Variants in NLRP13 observed in about 807,000 individuals in gnomAD.
NLRP13 encodes NACHT, LRR and PYD domains-containing protein 13.
NLRP13 carries 82 observed loss-of-function variants against 94.4 expected under a neutral mutation model. The ratio of observed to expected loss-of-function variants is 0.87; its 90% CI spans 0.73 to 1.04. The LOEUF (loss-of-function observed/expected upper bound fraction) is 1.04. Among genes scored for constraint, NLRP13 ranks in the 50% least tolerant of loss-of-function variants. The pLI is 0.00. For missense variants in NLRP13, 1,426 were observed against 1,230.8 expected, an observed-to-expected ratio of 1.16 and a Z score of -2.37; for synonymous variants, 553 against 464.7, an observed-to-expected ratio of 1.19 and a Z score of -2.45.
chr19:55,923,842 C>G lies in NLRP13; in HGVS notation c.523+72G>C, dbSNP rs1205925950. The G allele has an allele frequency of 3.7e-6, 4 of 1,092,928 alleles. No homozygotes were observed. In the African/African-American group the frequency reaches 4.6e-5, roughly 13 times the overall value. The allele number at this position is 1,092,928 out of a possible 1,614,324, so 67.7% of individuals were successfully genotyped here. ...AAGAAAATGTCAGTATGAGGCAACTCTACTATGGACCTAGTGAAACCAATG... is the reference window on the plus strand; with the variant it reads ...AAGAAAATGTCAGTATGAGGCAACTGTACTATGGACCTAGTGAAACCAATG... On this transcript the variant is annotated intron_variant, in intron 4 of 10. Transcript: ENST00000342929.
intron 4 of NLRP13, among the ~76,000 whole-genome samples, chr19:55,914,392 C>T (rs1451756492): frequency 3.3e-5 from 5 of 152,152 alleles, no homozygotes; most frequent in Non-Finnish European, 7.4e-5. Flanking sequence ...ATTTTTAGAA[C>T]TCCAGGTTTT....
At chr19:55,905,186 T>G (rs1986301072) in intron 7 of NLRP13, 74 bp from the exon 8 acceptor site, 1 of 1,501,014 alleles carries the variant, frequency 6.7e-7, no homozygotes, top group Non-Finnish European at 9.1e-7. Context: ...TCTCAACCCC[T>G]TAACCCCCGA....
intron 7 of NLRP13, among the ~76,000 whole-genome samples, 194 bp downstream of exon 7, chr19:55,907,598 C>G (rs1487631239): frequency 6.6e-6 from 1 of 152,180 alleles, no homozygotes; most frequent in Non-Finnish European, 1.5e-5. Context: ...AAAAAATAAC[C>G]TCCCCCAAGG....
At chr19:55,906,834 A>G (rs1362041027) in intron 7 of NLRP13, among the ~76,000 whole-genome samples, 2 of 152,128 alleles carry the variant, frequency 1.3e-5, no homozygotes, top group Admixed American at 1.3e-4. Flanking sequence ...CCGCATGTCA[A>G]CGCTACTCAA....
chr19:55,896,847 G>GAAAAAAAAAAAAAAA (rs1986030928), intron 10 of NLRP13, among the ~76,000 whole-genome samples: 1 of 119,348 alleles, frequency 8.4e-6, no homozygotes, highest in East Asian at 2.1e-4. Context: ...AAAAAAAAAT[G>GAAAAAAAAAAAAAAA]GAAAAGAGTG....
chr19:55,912,230 C>A lies in NLRP13; in HGVS notation c.1587G>T (p.Gly529=). 1 of 1,614,046 alleles carries A rather than the reference C, an allele frequency of 6.2e-7. No individual in the cohort carries two copies. The highest frequency in any genetic ancestry group is 1.3e-5 in the African/African-American group (1 of 74,986). ...FNILQKINDC[G]GCTTFTHLSF... Reference sequence around the variant, plus strand: ...TTAGGTGGGTGAAAGTAGTGCAACCCCCACAGTCATTGATCTTTTGAAGAA... The same window carrying A: ...TTAGGTGGGTGAAAGTAGTGCAACCACCACAGTCATTGATCTTTTGAAGAA... The change falls in exon 5 of 11, where the codon GGG becomes GGT. Residue 529 remains glycine (G), a synonymous_variant. Transcript: ENST00000342929.
chr19:55,931,782 TC>T (rs1987153452), intron 1 of NLRP13, among the ~76,000 whole-genome samples: 1 of 145,208 alleles, frequency 6.9e-6, no homozygotes, highest in African/African-American at 2.6e-5. Flanking sequence ...CTCTTCCGAT[TC>T]CCTTTCTTGC....
At chr19:55,907,338 G>A (rs560801302) in intron 7 of NLRP13, among the ~76,000 whole-genome samples, 10 of 152,240 alleles carry the variant, frequency 6.6e-5, no homozygotes, top group South Asian at 2.1e-4. Context: ...TCAAGAGGCC[G>A]AGGCAAGCAG....
chr19:55,931,718 A>AGACAGAAAGAAAGAAAGAAAG lies in NLRP13; in HGVS notation c.319+274_319+275insCTTTCTTTCTTTCTTTCTGTC. Among the ~76,000 whole-genome samples the AGACAGAAAGAAAGAAAGAAAG allele has an allele frequency of 8.6e-3, 807 of 94,202 alleles. 14 individuals carry two copies. The highest frequency in any genetic ancestry group is 0.023 in the East Asian group (64 of 2,818). 61.8% of individuals were successfully genotyped at this position (94,202 alleles called of 152,430 possible). ...AGTGGAGACTCAGGCTCAAAAAAAA[A>AGACAGAAAGAAAGAAAGAAAG]AAAAAAAGAAAGAAAGAAAGAAAGA... On this transcript the variant is annotated intron_variant, in intron 1 of 10. Coordinates refer to ENST00000342929, the MANE Select transcript of NLRP13 (RefSeq NM_176810.2).
At chr19:55,907,739 C>A in intron 7 of NLRP13, 53 bp downstream of exon 7, 1 of 1,572,276 alleles carries the variant, frequency 6.4e-7, no homozygotes, top group Non-Finnish European at 8.7e-7. Context: ...ATCGTGGAAG[C>A]TACTGGTGGT....
intron 8 of NLRP13, among the ~76,000 whole-genome samples, chr19:55,903,030 C>T (rs1429449537): frequency 4.0e-5 from 6 of 150,730 alleles, no homozygotes; most frequent in Non-Finnish European, 3.0e-5. Context: ...AAAATTACAA[C>T]CTATATGTAT....
At chr19:55,904,309 A>T (rs1404507438) in intron 8 of NLRP13, among the ~76,000 whole-genome samples, 2 of 152,064 alleles carry the variant, frequency 1.3e-5, no homozygotes, top group African/African-American at 4.8e-5. Context: ...GGCTGGTCTC[A>T]AAATTCCTGA....
intron 10 of NLRP13, among the ~76,000 whole-genome samples, chr19:55,897,678 C>T (rs1346931561): frequency 1.3e-5 from 2 of 152,040 alleles, no homozygotes; most frequent in East Asian, 3.9e-4. Context: ...ATAACGTTAA[C>T]CTATTCATGT....
At position 55,904,844 on chromosome 19, in the gene NLRP13, T is replaced by C. The variant is rs1278309393; in HGVS notation, c.2618+98A>G. The C allele has an allele frequency of 4.9e-6, 5 of 1,022,864 alleles. No homozygotes were observed. The African/African-American group carries it at 8.0e-5, about 16-fold the overall frequency. The allele number at this position is 1,022,864 out of a possible 1,614,324, so 63.4% of individuals were successfully genotyped here. A position where few individuals can be genotyped will look rare whatever the true frequency, so the allele number is the denominator to read the frequency against. ...ATAGTAATTACTCAATGAATGTTAC[T>C]TTTTAATAATATAAATAGATATCAA... On this transcript the variant is annotated intron_variant, in intron 8 of 10. Transcript: ENST00000342929.
chr19:55,892,355 A>G (rs1985876374), downstream of NLRP13, among the ~76,000 whole-genome samples: 1 of 135,400 alleles, frequency 7.4e-6, no homozygotes, highest in Admixed American at 8.2e-5. Flanking sequence ...TCTTGTCAAC[A>G]AATATATGTG....
chr19:55,901,492 G>C (rs1444656021), intron 9 of NLRP13, among the ~76,000 whole-genome samples: 2 of 152,198 alleles, frequency 1.3e-5, no homozygotes, highest in Non-Finnish European at 2.9e-5. Context: ...AATAAGGAAA[G>C]GAAGGTGAGC....
chr19:55,928,170 A>G (rs1987016394), intron 1 of NLRP13, among the ~76,000 whole-genome samples: 1 of 152,176 alleles, frequency 6.6e-6, no homozygotes, highest in Non-Finnish European at 1.5e-5. Context: ...CCAAGTAGGA[A>G]CAAGACAAGG....
chr19:55,913,099 C>A lies in NLRP13; in HGVS notation c.718G>T (p.Gly240Trp). 6.2e-7 allele frequency: 1 copy of A among 1,614,128 alleles called. No individual in the cohort carries two copies. Among genetic ancestry groups the A allele is most frequent in the East Asian group, 2.2e-5 (1 of 44,868 alleles). ...TIVLVGRAGV[G>W]KTTLAMQAML... ...GCCTGCATTGCCAAGGTGGTCTTCC[C>A]AACCCCTGCCCTCCCCACCAAGACT... is the stretch of plus-strand genomic sequence containing the variant. The change falls in exon 5 of 11, where the codon GGG becomes TGG. Residue 240 changes from glycine (G) to tryptophan (W), a missense_variant. By Grantham distance (184) the Gly-to-Trp change is radical. Transcript: ENST00000342929.
At chr19:55,913,548 C>CAAAAAAAAAAAAAAAAAA (rs10530056) in intron 4 of NLRP13, among the ~76,000 whole-genome samples, 691 of 52,014 alleles carry the variant, frequency 0.013, 102 homozygotes, top group Non-Finnish European at 0.02. Context: ...GACTCCGTCT[C>CAAAAAAAAAAAAAAAAAA]AAAAAAAAAA....
Sources: gnomAD v4.1 joint callset for allele counts (sites outside exome capture counted in the v4.1 genomes callset) on GRCh38, gnomAD v4.1.1 for gene constraint, MANE v1.5 for transcripts, NCBI Gene and HGNC (gene_info 2026-07-23, HGNC 2026-07-21) for gene names.